CSMD1: variants seen among roughly 807,000 people sequenced by gnomAD.
CSMD1 encodes the protein CUB and Sushi multiple domains 1, also known as CUB and sushi domain-containing protein 1.
A neutral mutation model predicts 417.5 loss-of-function variants in CSMD1; 213 were observed. The observed-to-expected ratio is 0.51, with a 90% CI of 0.46 to 0.57. CSMD1 has a LOEUF of 0.57. Among genes scored for constraint, CSMD1 ranks in the 20% least tolerant of loss-of-function variants. The pLI, the probability that CSMD1 is intolerant of heterozygous loss-of-function variation, is 0.00. For synonymous variants in CSMD1, 2,862 were observed against 1,736.8 expected (o/e 1.65, Z -16.11); for missense variants, 6,923 against 4,529.7 (o/e 1.53, Z -15.17).
Position 2,942,561 on chromosome 8 carries a change from G to A in CSMD1, c.10446C>T (p.Gly3482=), listed in dbSNP as rs1383379035. Residue 3482 remains glycine (G), a synonymous_variant, in exon 69 of 70, where the codon GGC becomes GGT. Transcript: ENST00000635120. The part of the protein sequence containing the change: ...PDQDSSSHYH[G]TSSGSVAAAI... ...CAGCCGCCACAGAGCCACTGCTGGT[G>A]CCGTGGTAATGACTGGAAGAGTCTT... is the stretch of plus-strand genomic sequence containing the variant. 1.9e-6 allele frequency: 3 copies of A among 1,606,712 alleles called. No homozygotes were observed. The highest frequency in any genetic ancestry group is 2.2e-5 in the South Asian group (2 of 89,712).
chr8:3,519,844 C>T (rs1323019207), intron 10 of CSMD1, among the ~76,000 whole-genome samples: 2 of 152,088 alleles, frequency 1.3e-5, no homozygotes, highest in Non-Finnish European at 2.9e-5. Context: ...TATCAACCAT[C>T]CCATCAACCT....
intron 4 of CSMD1, among the ~76,000 whole-genome samples, chr8:4,019,413 TC>T (rs1365044908): frequency 2.0e-5 from 3 of 152,132 alleles, no homozygotes; most frequent in Non-Finnish European, 4.4e-5. Flanking sequence ...GCTTTTAGCT[TC>T]CCTATCTTCA....
At chr8:4,074,097 A>G (rs933921665) in intron 3 of CSMD1, among the ~76,000 whole-genome samples, 1 of 152,128 alleles carries the variant, frequency 6.6e-6, no homozygotes, top group African/African-American at 2.4e-5. Context: ...AATATAATTT[A>G]TTAAGTGAGC....
At chr8:4,328,475 G>A (rs948337019) in intron 3 of CSMD1, among the ~76,000 whole-genome samples, 3 of 150,662 alleles carry the variant, frequency 2.0e-5, no homozygotes, top group African/African-American at 7.3e-5. Flanking sequence ...AGTTAACAGG[G>A]GACTTACAAA....
intron 3 of CSMD1, among the ~76,000 whole-genome samples, chr8:4,034,973 C>T (rs549487619): frequency 3.3e-5 from 5 of 152,044 alleles, no homozygotes; most frequent in Admixed American, 6.6e-5. Flanking sequence ...TTAGTCTGCG[C>T]GACTCTTCTA....
chr8:4,028,504 A>T (rs890270220), intron 4 of CSMD1, among the ~76,000 whole-genome samples: 1 of 151,942 alleles, frequency 6.6e-6, no homozygotes, highest in African/African-American at 2.4e-5. Flanking sequence ...TTTTACAAAA[A>T]AAGGAAAAAA....
chr8:4,126,113 C>T (rs1008318170), intron 3 of CSMD1, among the ~76,000 whole-genome samples: 1 of 151,926 alleles, frequency 6.6e-6, no homozygotes, highest in Non-Finnish European at 1.5e-5. Context: ...TCACTTTGAC[C>T]CCCTGTGATT....
chr8:4,413,044 T>A (rs56115172), intron 3 of CSMD1, among the ~76,000 whole-genome samples: 1 of 152,108 alleles, frequency 6.6e-6, no homozygotes, highest in Non-Finnish European at 1.5e-5. Flanking sequence ...TCCAGAAAAA[T>A]AGACTTACAA....
At chr8:4,989,375 T>C (rs1334182643) in intron 1 of CSMD1, among the ~76,000 whole-genome samples, 1 of 152,230 alleles carries the variant, frequency 6.6e-6, no homozygotes, top group Non-Finnish European at 1.5e-5. Flanking sequence ...TTAGTCCAAG[T>C]TCCTACTTTC....
chr8:3,197,359 A>G lies in CSMD1; in HGVS notation c.5194+2355T>C, dbSNP rs138174216. Among the ~76,000 whole-genome samples, 624 of 152,288 alleles carry G rather than the reference A, an allele frequency of 4.1e-3. 6 individuals carry two copies. The highest frequency in any genetic ancestry group is 0.014 in the African/African-American group (582 of 41,542). On this transcript the variant is annotated intron_variant, in intron 33 of 69. Coordinates refer to ENST00000635120, the MANE Select transcript of CSMD1 (RefSeq NM_033225.6). ...TATCCTACAACCACGGAAGACATAAAGTCTGTGTGCAATTTGAAGCTGAAT... is the reference window on the plus strand; with the variant it reads ...TATCCTACAACCACGGAAGACATAAGGTCTGTGTGCAATTTGAAGCTGAAT...
chr8:3,676,843 T>C (rs1799399941), intron 7 of CSMD1, among the ~76,000 whole-genome samples: 1 of 152,132 alleles, frequency 6.6e-6, no homozygotes, highest in South Asian at 2.1e-4. Flanking sequence ...ATGAGTTCAT[T>C]TCCTTTGCAG....
chr8:4,199,991 A>G (rs768179569), intron 3 of CSMD1, among the ~76,000 whole-genome samples: 2 of 152,196 alleles, frequency 1.3e-5, no homozygotes, highest in African/African-American at 2.4e-5. Context: ...GTGACTATTA[A>G]AAGTTCAAGG....
chr8:4,617,679 C>A (rs187557647), intron 2 of CSMD1, among the ~76,000 whole-genome samples: 1 of 152,286 alleles, frequency 6.6e-6, no homozygotes, highest in African/African-American at 2.4e-5. Flanking sequence ...GGTTTCAGAT[C>A]AAAGCCCTCA....
intron 3 of CSMD1, among the ~76,000 whole-genome samples, chr8:4,129,137 T>C (rs1802942682): frequency 6.6e-6 from 1 of 151,974 alleles, no homozygotes; most frequent in Admixed American, 6.6e-5. Context: ...TTGCTTTTGT[T>C]TCATCTGTAC....
At chr8:4,379,004 A>G (rs1802928882) in intron 3 of CSMD1, among the ~76,000 whole-genome samples, 1 of 152,224 alleles carries the variant, frequency 6.6e-6, no homozygotes, top group Non-Finnish European at 1.5e-5. Flanking sequence ...GGATTAAGAA[A>G]GTAGCAAAGT....
chr8:4,135,238 T>C (rs1272473166), intron 3 of CSMD1, among the ~76,000 whole-genome samples: 1 of 151,904 alleles, frequency 6.6e-6, no homozygotes, highest in East Asian at 1.9e-4. Context: ...CCCATGGGAA[T>C]ATATTTATTC....
chr8:4,837,181 G>C (rs985691957), intron 1 of CSMD1, among the ~76,000 whole-genome samples: 4 of 152,102 alleles, frequency 2.6e-5, no homozygotes, highest in Admixed American at 1.3e-4. Context: ...GGTGAGGATG[G>C]GGAGAAAAGG....
At chr8:3,378,882 G>C (rs1585077348) in intron 18 of CSMD1, among the ~76,000 whole-genome samples, 1 of 152,238 alleles carries the variant, frequency 6.6e-6, no homozygotes, top group East Asian at 1.9e-4. Context: ...ACACAGTATT[G>C]GAAGTTCTGG....
intron 3 of CSMD1, among the ~76,000 whole-genome samples, chr8:4,275,196 AAG>A: frequency 6.6e-6 from 1 of 152,274 alleles, no homozygotes; most frequent in East Asian, 1.9e-4. Context: ...TCTAGTTTTT[AAG>A]ATAAATTATT....
Sources: gnomAD v4.1 joint callset for allele counts (sites outside exome capture counted in the v4.1 genomes callset) on GRCh38, gnomAD v4.1.1 for gene constraint, MANE v1.5 for transcripts, NCBI Gene and HGNC (gene_info 2026-07-23, HGNC 2026-07-21) for gene names.